Variants in LEPR observed in about 807,000 individuals in gnomAD.
LEPR encodes leptin receptor.
A neutral mutation model predicts 114.7 loss-of-function variants in LEPR; 56 were observed. The observed-to-expected ratio is 0.49, with a 90% confidence interval of 0.39 to 0.61. LEPR has a LOEUF of 0.61. Ranked by LOEUF, LEPR falls within the 20% of genes least tolerant of loss-of-function variation. LEPR has a pLI of 0.00. For missense variants in LEPR, 1,202 were observed against 1,352.9 expected (o/e 0.89, Z 1.75); for synonymous variants, 443 against 461.4 (o/e 0.96, Z 0.51).
intron 2 of LEPR, among the ~76,000 whole-genome samples, chr1:65,514,843 A>T (rs1376374249): frequency 6.6e-6 from 1 of 152,238 alleles, no homozygotes; most frequent in African/African-American, 2.4e-5. Flanking sequence ...GCAATTTCTA[A>T]ATCTAAGATA....
rs142297813 is a variant in LEPR, at chr1:65,496,393, C to A, written c.-20-69153C>A. ...TTCGAGACCAGCCTGGGCAAGTTGG[C>A]GAAACCCTGTCTCTACAAAAGAAAA... On this transcript the variant is annotated intron_variant, in intron 2 of 19. Transcript: ENST00000349533. Among the ~76,000 whole-genome samples, 454 of 151,980 alleles carry A rather than the reference C, an allele frequency of 3.0e-3. 2 individuals carry two copies. The highest frequency in any genetic ancestry group is 5.6e-3 in the Non-Finnish European group (380 of 67,942).
At chr1:65,425,212 C>G (rs1646336497) in intron 1 of LEPR, 91 bp from the exon 2 acceptor site, 5 of 1,027,824 alleles carry the variant, frequency 4.9e-6, no homozygotes, top group Non-Finnish European at 7.5e-6. Flanking sequence ...AACTCTGGAC[C>G]TATTAGAAGT....
intron 2 of LEPR, among the ~76,000 whole-genome samples, chr1:65,453,258 GT>G (rs1275096260): frequency 2.0e-5 from 3 of 151,858 alleles, no homozygotes; most frequent in Admixed American, 6.6e-5. Flanking sequence ...TTTTTGAAGG[GT>G]TTTTTGTGTC....
At chr1:65,518,933 C>CTCTG (rs1431224364) in intron 2 of LEPR, among the ~76,000 whole-genome samples, 3 of 139,356 alleles carry the variant, frequency 2.2e-5, no homozygotes, top group Admixed American at 7.3e-5. Context: ...TTCTCTGTTT[C>CTCTG]TTTCTTTCTC....
At chr1:65,521,935 A>G (rs1465963614) in intron 2 of LEPR, among the ~76,000 whole-genome samples, 2 of 152,208 alleles carry the variant, frequency 1.3e-5, no homozygotes, top group Non-Finnish European at 2.9e-5. Context: ...CCCCGTCTCT[A>G]CTAAAAATAC....
chr1:65,604,661 G>A (rs970655040), intron 10 of LEPR, among the ~76,000 whole-genome samples: 4 of 152,288 alleles, frequency 2.6e-5, no homozygotes, highest in Admixed American at 1.3e-4. Flanking sequence ...CCTGGGCCAC[G>A]GACCGGTACC....
At chr1:65,453,043 C>T (rs1455646483) in intron 2 of LEPR, among the ~76,000 whole-genome samples, 1 of 152,180 alleles carries the variant, frequency 6.6e-6, no homozygotes, top group Non-Finnish European at 1.5e-5. Context: ...TCCATTTCTT[C>T]TAGATTTTCT....
In LEPR at chr1:65,601,694, G is replaced by A; in HGVS notation, c.1285+12G>A. On this transcript the variant is annotated intron_variant, in intron 9 of 19. Transcript: ENST00000349533. ...ATTATATGTGATTGGTAAGAAAACA[G>A]AGGTTTTGTTCATTTTGTTCCACAA... 1 of 1,613,418 alleles carries A rather than the reference G, an allele frequency of 6.2e-7. No homozygotes were observed. The highest frequency in any genetic ancestry group is 8.5e-7 in the Non-Finnish European group (1 of 1,179,618).
intron 2 of LEPR, chr1:65,436,010 A>G: frequency 1.0e-6 from 1 of 983,846 alleles, no homozygotes; most frequent in Non-Finnish European, 1.2e-6. Flanking sequence ...CATTTTAACA[A>G]AGGCTTTTAT....
In LEPR at chr1:65,633,206, C is replaced by G. The variant is rs749821946; in HGVS notation, c.2674-2985C>G. 1.2e-5 allele frequency: 20 copies of G among 1,608,700 alleles called. No individual in the cohort carries two copies. The South Asian group carries it at 2.0e-4, about 16-fold the overall frequency. ...GATCACTACAGATGAACCCAATGTG[C>G]CAACTTCCCAACAGTCTATAGAGTA... On this transcript the variant is annotated intron_variant, in intron 19 of 19. Transcript: ENST00000349533. This position sits in a 1 kb window ranked among gnomAD's most constrained non-coding sequence, Gnocchi z 4.1.
At chr1:65,472,459 T>A (rs867717484) in intron 2 of LEPR, among the ~76,000 whole-genome samples, 1 of 110,024 alleles carries the variant, frequency 9.1e-6, no homozygotes, top group African/African-American at 4.7e-5. Flanking sequence ...TGTATATATA[T>A]AATATATATA....
chr1:65,444,759 T>C (rs1283985635), intron 2 of LEPR, among the ~76,000 whole-genome samples: 2 of 152,240 alleles, frequency 1.3e-5, no homozygotes, highest in South Asian at 4.1e-4. Flanking sequence ...GAATTCTTTA[T>C]GTTATTACAA....
At chr1:65,544,108 T>G (rs998201626) in intron 2 of LEPR, among the ~76,000 whole-genome samples, 6 of 152,040 alleles carry the variant, frequency 3.9e-5, no homozygotes. Context: ...GCATGGAATG[T>G]TTTTCCATTT....
At chr1:65,433,552 A>G in intron 2 of LEPR, 1 of 985,428 alleles carries the variant, frequency 1.0e-6, no homozygotes, top group Non-Finnish European at 1.2e-6. Context: ...TTGTGATCTG[A>G]GTAATTAGCA....
chr1:65,567,455 G>T (rs1294300860), intron 3 of LEPR, among the ~76,000 whole-genome samples: 2 of 152,136 alleles, frequency 1.3e-5, no homozygotes, highest in Non-Finnish European at 2.9e-5. Context: ...ATGTTAGAAG[G>T]AGTGAAGTCC....
At chr1:65,444,559 C>A in intron 2 of LEPR, among the ~76,000 whole-genome samples, 1 of 120,558 alleles carries the variant, frequency 8.3e-6, no homozygotes. Context: ...CTCAGATTAA[C>A]AAACTTTCAG....
chr1:65,572,526 A>G (rs1307051202), intron 5 of LEPR, 77 bp downstream of exon 5: 5 of 1,373,192 alleles, frequency 3.6e-6, no homozygotes, highest in Non-Finnish European at 5.1e-6. Flanking sequence ...GAAGTAGATT[A>G]TAAACCTCTT....
At chr1:65,634,476 A>G in intron 19 of LEPR, 5 of 949,874 alleles carry the variant, frequency 5.3e-6, no homozygotes, top group Non-Finnish European at 6.3e-6. Context: ...AATTTTTTAA[A>G]TGGATATACT....
chr1:65,564,123 TG>T (rs1394612070), intron 2 of LEPR, among the ~76,000 whole-genome samples: 3 of 146,096 alleles, frequency 2.1e-5, no homozygotes, highest in African/African-American at 7.5e-5. Context: ...TGATCAAGCC[TG>T]GGCAATGGTG....
Sources: allele counts gnomAD v4.1 joint callset (sites outside exome capture counted in the v4.1 genomes callset), GRCh38; gene constraint gnomAD v4.1.1; non-coding constraint Gnocchi (gnomAD v3.1); transcripts MANE v1.5; gene names NCBI Gene and HGNC (gene_info 2026-07-23, HGNC 2026-07-21).